KYNU: variants seen among roughly 807,000 people sequenced by gnomAD.
KYNU encodes kynureninase, also known as L-kynurenine hydrolase.
KYNU carries 54 observed loss-of-function variants against 59.2 expected under a neutral mutation model. The observed-to-expected ratio is 0.91, with a 90% CI of 0.73 to 1.14. The LOEUF (loss-of-function observed/expected upper bound fraction) is 1.14, where lower values mean the gene tolerates loss of function less well. Ranked by LOEUF, KYNU falls within the 50% of genes most tolerant of loss-of-function variation. The probability of loss-of-function intolerance (pLI) is 0.00; values close to 1 mark genes in which losing one functional copy is unlikely to be tolerated. For synonymous variants in KYNU, 177 were observed against 192.0 expected (o/e 0.92, Z 0.65); for missense variants, 567 against 554.4 (o/e 1.02, Z -0.23).
intron 10 of KYNU, among the ~76,000 whole-genome samples, chr2:143,014,808 T>C (rs1558976180): frequency 6.6e-6 from 1 of 152,230 alleles, no homozygotes; most frequent in Non-Finnish European, 1.5e-5. Context: ...CATACAGTTT[T>C]CAAATCAGAG....
At chr2:142,890,571 A>G (rs1681679397) in intron 2 of KYNU, among the ~76,000 whole-genome samples, 2 of 152,038 alleles carry the variant, frequency 1.3e-5, no homozygotes, top group South Asian at 4.2e-4. Context: ...TTGACCTCCC[A>G]AGCTGAAGTA....
intron 4 of KYNU, among the ~76,000 whole-genome samples, chr2:142,930,572 TCTC>T (rs1683176910): frequency 6.6e-6 from 1 of 152,158 alleles, no homozygotes; most frequent in Admixed American, 6.5e-5. Context: ...CCTCCTGGCT[TCTC>T]CTCTTGGCTG....
At chr2:142,959,300 T>C (rs1684264069) in intron 7 of KYNU, among the ~76,000 whole-genome samples, 2 of 152,102 alleles carry the variant, frequency 1.3e-5, no homozygotes, top group South Asian at 4.1e-4. Context: ...CTGGAGAAAA[T>C]TCATGGCTGG....
At chr2:142,928,846 A>T (rs1683121081) in intron 4 of KYNU, among the ~76,000 whole-genome samples, 1 of 151,590 alleles carries the variant, frequency 6.6e-6, no homozygotes, top group Admixed American at 6.6e-5. Context: ...CATCTCTACA[A>T]AAAAATTTTA....
intron 3 of KYNU, among the ~76,000 whole-genome samples, chr2:142,924,307 A>G (rs757842224): frequency 3.3e-5 from 5 of 152,018 alleles, no homozygotes; most frequent in South Asian, 2.1e-4. Context: ...ACGTCTCCCT[A>G]TGTTGCCCAG....
intron 10 of KYNU, among the ~76,000 whole-genome samples, chr2:142,988,097 G>C (rs1048986502): frequency 7.3e-5 from 11 of 151,706 alleles, no homozygotes; most frequent in African/African-American, 2.7e-4. Context: ...GTAGCAGTGA[G>C]AGAATGGACT....
Position 142,955,134 on chromosome 2 carries a change from G to T in KYNU, c.435+263G>T, listed in dbSNP as rs1684120368. 2.6e-5 allele frequency among the ~76,000 whole-genome samples: 4 copies of T among 151,970 alleles called. No individual in the cohort carries two copies. The South Asian group carries it at 8.3e-4, about 31-fold the overall frequency. On this transcript the variant is annotated intron_variant, in intron 5 of 13. Transcript: ENST00000264170. ...AATAAGAGCCATAATGGGTAAATAG[G>T]CAAACTACATGCAAGCCTACAAAAC...
At chr2:142,894,572 G>A (rs977156022) in intron 2 of KYNU, among the ~76,000 whole-genome samples, 1 of 151,942 alleles carries the variant, frequency 6.6e-6, no homozygotes, top group East Asian at 1.9e-4. Flanking sequence ...AAACTGCCTC[G>A]TACCCCCTTT....
chr2:143,011,088 T>C (rs1394174620), intron 10 of KYNU, among the ~76,000 whole-genome samples: 4 of 146,158 alleles, frequency 2.7e-5, no homozygotes, highest in African/African-American at 1.0e-4. Flanking sequence ...AAAGAGCTTC[T>C]GCACAGCCAA....
At chr2:143,015,043 G>T (rs1349036398) in intron 10 of KYNU, among the ~76,000 whole-genome samples, 3 of 152,130 alleles carry the variant, frequency 2.0e-5, no homozygotes, top group Non-Finnish European at 4.4e-5. Flanking sequence ...AAAGGTGTGT[G>T]CCACCATGCC....
At chr2:143,013,256 C>G (rs1191321227) in intron 10 of KYNU, among the ~76,000 whole-genome samples, 1 of 151,694 alleles carries the variant, frequency 6.6e-6, no homozygotes, top group Non-Finnish European at 1.5e-5. Flanking sequence ...TAATATTTCT[C>G]TCTCTCTCTC....
rs988268780 is a variant in KYNU, at chr2:142,888,195, C to G, written c.169+2659C>G. Among the ~76,000 whole-genome samples, 4 of 152,316 alleles carry G rather than the reference C, an allele frequency of 2.6e-5. No homozygotes were observed. The South Asian group carries it at 8.3e-4, about 32-fold the overall frequency. On this transcript the variant is annotated intron_variant, in intron 2 of 13. Transcript: ENST00000264170. ...TAGTTTTGCTGGACACGGTGGCTCA[C>G]ATCTGTAATCCCAGCACTTAGGGAG... is the stretch of plus-strand genomic sequence containing the variant.
rs184914117 is a variant in KYNU at position 142,920,522 on chromosome 2, C to A, written c.290+1793C>A. Among the ~76,000 whole-genome samples the A allele has an allele frequency of 7.5e-3, 1,141 of 152,268 alleles. 6 individuals carry two copies. The highest frequency in any genetic ancestry group is 0.012 in the Non-Finnish European group (833 of 68,030). On this transcript the variant is annotated intron_variant, in intron 3 of 13. Transcript: ENST00000264170. ...TATGGTCATCCACTTAAGTAAGAAACCGGTTGATTATTTTCAAGACTTTAA... is the reference window on the plus strand; with the variant it reads ...TATGGTCATCCACTTAAGTAAGAAAACGGTTGATTATTTTCAAGACTTTAA...
At position 143,042,582 on chromosome 2, in the gene KYNU, TGA is replaced by T. The variant is rs1687085789; in HGVS notation, c.*411_*412del. On this transcript the variant is annotated 3_prime_UTR_variant, in exon 14 of 14. Coordinates refer to ENST00000264170, the MANE Select transcript of KYNU (RefSeq NM_003937.3). Reference sequence around the variant, plus strand: ...GGAGTTTCTTTGAAGCATTGTAGTCTGATATATATATATATATATATATATAT... The same window carrying T: ...GGAGTTTCTTTGAAGCATTGTAGTCTTATATATATATATATATATATATAT... 1 of 150,134 alleles carries T rather than the reference TGA, an allele frequency of 6.7e-6. No individual in the cohort carries two copies. The highest frequency in any genetic ancestry group is 1.6e-4 in the South Asian group (1 of 6,236). 9.3% of individuals were successfully genotyped at this position (150,134 alleles called of 1,614,324 possible).
intron 7 of KYNU, chr2:142,957,972 A>C (rs1461633090): frequency 1.0e-5 from 4 of 384,866 alleles, no homozygotes; most frequent in Non-Finnish European, 1.9e-5. Flanking sequence ...GGATTCTGCC[A>C]TATTCTTCAA....
intron 10 of KYNU, among the ~76,000 whole-genome samples, chr2:143,017,861 G>A (rs905957136): frequency 6.6e-6 from 1 of 152,018 alleles, no homozygotes; most frequent in African/African-American, 2.4e-5. Flanking sequence ...CCAATTGTAT[G>A]TCTTCTTTTG....
chr2:143,024,248 C>T (rs1294395990), intron 10 of KYNU, among the ~76,000 whole-genome samples: 1 of 151,820 alleles, frequency 6.6e-6, no homozygotes, highest in Non-Finnish European at 1.5e-5. Flanking sequence ...ATGTTAACTC[C>T]TCTATTTGTT....
chr2:142,912,371 CTTTTTTTTTTTTTT>C (rs60854220), intron 2 of KYNU, among the ~76,000 whole-genome samples: 4 of 89,514 alleles, frequency 4.5e-5, no homozygotes, highest in Non-Finnish European at 8.5e-5. Context: ...TTTTGTATTT[CTTTTTTTTTTTTTT>C]TTTTTTTTTT....
rs1393239783 is a variant in KYNU, at chr2:143,044,070, G to A, written c.*1898G>A. 1 of 151,838 alleles carries A rather than the reference G, an allele frequency of 6.6e-6. No homozygotes were observed. Among genetic ancestry groups the A allele is most frequent in the African/African-American group, 2.4e-5 (1 of 41,308 alleles). The allele number at this position is 151,838 out of a possible 1,614,324, so 9.4% of individuals were successfully genotyped here. A position where few individuals can be genotyped will look rare whatever the true frequency, so the allele number is the denominator to read the frequency against. ...CTCATTGTTCAACTCTCACTTATGGGTAAGAACATGCAGTGTTTGATTTTC... is the reference window on the plus strand; with the variant it reads ...CTCATTGTTCAACTCTCACTTATGGATAAGAACATGCAGTGTTTGATTTTC... On this transcript the variant is annotated 3_prime_UTR_variant, in exon 14 of 14. Transcript: ENST00000264170.
Sources: gnomAD v4.1 joint callset for allele counts (sites outside exome capture counted in the v4.1 genomes callset) on GRCh38, gnomAD v4.1.1 for gene constraint, MANE v1.5 for transcripts, NCBI Gene and HGNC (gene_info 2026-07-23, HGNC 2026-07-21) for gene names.